AUTS2: variants seen among roughly 807,000 people sequenced by gnomAD.
AUTS2 encodes activator of transcription and developmental regulator AUTS2.
In AUTS2, 17 loss-of-function variants were observed where a neutral mutation model predicts 112.4. The observed-to-expected ratio is 0.15, with a 90% confidence interval of 0.10 to 0.23. The LOEUF (loss-of-function observed/expected upper bound fraction) is 0.23, where lower values mean the gene tolerates loss of function less well. Ranked by LOEUF, AUTS2 falls within the 10% of genes least tolerant of loss-of-function variation. The probability of loss-of-function intolerance (pLI) is 1.00; values close to 1 mark genes in which losing one functional copy is unlikely to be tolerated. For missense variants in AUTS2, 1,510 were observed against 1,701.6 expected (o/e 0.89, Z 1.98); for synonymous variants, 751 against 702.7 (o/e 1.07, Z -1.09).
At chr7:70,685,491 A>AAAG (rs1205844003) in intron 5 of AUTS2, among the ~76,000 whole-genome samples, 7 of 148,380 alleles carry the variant, frequency 4.7e-5, no homozygotes, top group African/African-American at 1.8e-4. Context: ...AAAAAAAAAA[A>AAAG]AAGAAGAAGA....
chr7:69,894,252 G>GTTTTTTTTTTTT (rs370966756), intron 1 of AUTS2, among the ~76,000 whole-genome samples: 6 of 36,736 alleles, frequency 1.6e-4, no homozygotes, highest in African/African-American at 7.9e-4. Context: ...GCCTTAAAGC[G>GTTTTTTTTTTTT]TTTTTTTTTT....
chr7:69,754,933 T>C (rs1787887271), intron 1 of AUTS2, among the ~76,000 whole-genome samples: 1 of 152,200 alleles, frequency 6.6e-6, no homozygotes, highest in Non-Finnish European at 1.5e-5. Flanking sequence ...CACCACACTG[T>C]GGCCCTCAGG....
intron 18 of AUTS2, among the ~76,000 whole-genome samples, chr7:70,787,738 G>C (rs1791607447): frequency 6.6e-6 from 1 of 152,218 alleles, no homozygotes; most frequent in African/African-American, 2.4e-5. Context: ...GGGAGTTGGA[G>C]CTTCGGGCCA....
At chr7:70,721,416 A>G (rs897419794) in intron 6 of AUTS2, among the ~76,000 whole-genome samples, 9 of 151,894 alleles carry the variant, frequency 5.9e-5, no homozygotes, top group Admixed American at 5.3e-4. Context: ...CTCCTGCCTC[A>G]GCCTCCCGAG....
At chr7:70,120,943 A>G (rs1239213640) in intron 3 of AUTS2, among the ~76,000 whole-genome samples, 1 of 152,188 alleles carries the variant, frequency 6.6e-6, no homozygotes, top group African/African-American at 2.4e-5. Context: ...CCAACCTCAA[A>G]ACTCACTGCA....
intron 2 of AUTS2, among the ~76,000 whole-genome samples, chr7:69,995,114 T>G (rs943366727): frequency 2.6e-5 from 4 of 152,152 alleles, no homozygotes; most frequent in Non-Finnish European, 5.9e-5. Flanking sequence ...GAATGTTGGC[T>G]TTAGAGCCAC....
chr7:70,685,003 C>T (rs1177564405), intron 5 of AUTS2, among the ~76,000 whole-genome samples: 2 of 152,086 alleles, frequency 1.3e-5, no homozygotes, highest in Non-Finnish European at 2.9e-5. Flanking sequence ...GGCTCATGCT[C>T]TTTTTTCAGT....
intron 1 of AUTS2, among the ~76,000 whole-genome samples, chr7:69,822,891 CT>C (rs1406657609): frequency 6.6e-6 from 1 of 152,138 alleles, no homozygotes; most frequent in Non-Finnish European, 1.5e-5. Context: ...AAACCTGGAG[CT>C]TTTGAAGGTC....
Position 69,624,145 on chromosome 7 carries a change from G to A in AUTS2, c.309+24183G>A, listed in dbSNP as rs554640240. On this transcript the variant is annotated intron_variant, in intron 1 of 18. Transcript: ENST00000342771. ...TGCTCACAGCTGATATTAAGATTACGTTCTAAGATCTATCTTTTCTGCAAT... is the reference window on the plus strand; with the variant it reads ...TGCTCACAGCTGATATTAAGATTACATTCTAAGATCTATCTTTTCTGCAAT... Among the ~76,000 whole-genome samples, 56 of 152,204 alleles carry A rather than the reference G, an allele frequency of 3.7e-4. No individual in the cohort carries two copies. The South Asian group carries it at 5.4e-3, about 15-fold the overall frequency.
At chr7:70,023,739 C>G (rs1584594980) in intron 2 of AUTS2, among the ~76,000 whole-genome samples, 1 of 152,172 alleles carries the variant, frequency 6.6e-6, no homozygotes, top group Non-Finnish European at 1.5e-5. Flanking sequence ...AAAGGAGTCT[C>G]TCCTCTGCTA....
chr7:70,471,454 G>A (rs903106482), intron 5 of AUTS2, among the ~76,000 whole-genome samples: 1 of 152,134 alleles, frequency 6.6e-6, no homozygotes, highest in African/African-American at 2.4e-5. Flanking sequence ...TGAAGACTCT[G>A]AGATATGTAA....
intron 4 of AUTS2, among the ~76,000 whole-genome samples, chr7:70,205,737 T>G (rs1810541586): frequency 6.6e-6 from 1 of 152,204 alleles, no homozygotes; most frequent in Non-Finnish European, 1.5e-5. Context: ...TGCCCATTGT[T>G]AAGCAAAGCG....
intron 5 of AUTS2, among the ~76,000 whole-genome samples, chr7:70,646,070 G>C (rs899745646): frequency 1.3e-5 from 2 of 152,192 alleles, no homozygotes; most frequent in Admixed American, 1.3e-4. Context: ...TTTCAGAGCA[G>C]TGTCTTTCCT....
intron 2 of AUTS2, among the ~76,000 whole-genome samples, chr7:70,055,126 C>T (rs1416909370): frequency 6.6e-6 from 1 of 152,094 alleles, no homozygotes; most frequent in Admixed American, 6.6e-5. Flanking sequence ...CAGAGTCATG[C>T]CTTTTTATAT....
intron 4 of AUTS2, among the ~76,000 whole-genome samples, chr7:70,400,851 G>A (rs1488599435): frequency 6.6e-6 from 1 of 152,058 alleles, no homozygotes; most frequent in Non-Finnish European, 1.5e-5. Context: ...TTGGGTCAAG[G>A]CATCTGTATT....
chr7:70,784,248 T>C (rs6948548), intron 15 of AUTS2: 27,181 of 151,886 alleles, frequency 0.18, 2,878 homozygotes, highest in East Asian at 0.38. Flanking sequence ...TAGAGTCGGG[T>C]CTTATAGTAT....
intron 1 of AUTS2, among the ~76,000 whole-genome samples, chr7:69,674,098 C>G (rs537118324): frequency 2.0e-5 from 3 of 152,224 alleles, no homozygotes; most frequent in African/African-American, 7.2e-5. Context: ...AGGTTTCCCA[C>G]TGTGTCTGGG....
chr7:70,579,793 C>G (rs1047708018), intron 5 of AUTS2, among the ~76,000 whole-genome samples: 2 of 152,174 alleles, frequency 1.3e-5, no homozygotes, highest in African/African-American at 4.8e-5. Flanking sequence ...TCGTTTGTCA[C>G]TTTCTTGAGG....
At chr7:70,358,021 T>G (rs775315266) in intron 4 of AUTS2, among the ~76,000 whole-genome samples, 20 of 152,176 alleles carry the variant, frequency 1.3e-4, no homozygotes, top group Non-Finnish European at 2.5e-4. Flanking sequence ...GTGGTCACAG[T>G]CTACAGTCCA....
Sources: gnomAD v4.1 joint callset for allele counts (sites outside exome capture counted in the v4.1 genomes callset) on GRCh38, gnomAD v4.1.1 for gene constraint, MANE v1.5 for transcripts, NCBI Gene and HGNC (gene_info 2026-07-23, HGNC 2026-07-21) for gene names.